The following DNAAF9 variants were observed in gnomAD, a reference collection of about 807,000 sequenced individuals.
The protein encoded by DNAAF9 is dynein axonemal assembly factor 9.
In DNAAF9, 90 loss-of-function variants were observed where a neutral mutation model predicts 167.0. The observed-to-expected ratio is 0.54, with a 90% CI of 0.45 to 0.64. The LOEUF is 0.64. Ranked by LOEUF, DNAAF9 falls within the 30% of genes least tolerant of loss-of-function variation. DNAAF9 has a pLI of 0.00. For synonymous variants in DNAAF9, 491 were observed against 508.8 expected (o/e 0.96, Z 0.47); for missense variants, 1,315 against 1,442.2 (o/e 0.91, Z 1.43).
At chr20:3,293,307 A>AAAAAAG (rs1555788368) in intron 25 of DNAAF9, among the ~76,000 whole-genome samples, 33 of 149,028 alleles carry the variant, frequency 2.2e-4, no homozygotes, top group African/African-American at 7.6e-4. Flanking sequence ...AAAAAAAAAA[A>AAAAAAG]AAAAAAAAAA....
intron 8 of DNAAF9, 51 bp from the exon 9 acceptor site, chr20:3,343,782 G>T: frequency 7.3e-7 from 1 of 1,376,320 alleles, no homozygotes; most frequent in Non-Finnish European, 1.0e-6. Context: ...TGGTAAAACA[G>T]TCATAAAACC....
chr20:3,256,815 TG>T (rs2068289267), intron 33 of DNAAF9, among the ~76,000 whole-genome samples: 1 of 151,818 alleles, frequency 6.6e-6, no homozygotes, highest in African/African-American at 2.4e-5. Flanking sequence ...TTGGTAGAAG[TG>T]GGGGGCTCTC....
chr20:3,353,521 G>A (rs534363851), intron 7 of DNAAF9, among the ~76,000 whole-genome samples: 79 of 151,940 alleles, frequency 5.2e-4, no homozygotes, highest in African/African-American at 1.8e-3. Flanking sequence ...CCAGCCTCTA[G>A]GGAAGCTGAG....
chr20:3,381,300 A>G (rs2083649273), intron 3 of DNAAF9, 79 bp downstream of exon 3: 1 of 1,189,564 alleles, frequency 8.4e-7, no homozygotes, highest in Non-Finnish European at 1.2e-6. Context: ...TTTATTCCAT[A>G]AGAAGACCAT....
intron 20 of DNAAF9, among the ~76,000 whole-genome samples, chr20:3,305,494 A>G (rs2122991587): frequency 6.6e-6 from 1 of 152,360 alleles, no homozygotes; most frequent in South Asian, 2.1e-4. Flanking sequence ...GCCAAGAGAT[A>G]AATAAGTGAA....
At chr20:3,374,176 A>C (rs545181098) in intron 5 of DNAAF9, 22 bp from the exon 6 acceptor site, 1 of 1,467,618 alleles carries the variant, frequency 6.8e-7, no homozygotes, top group African/African-American at 1.4e-5. Flanking sequence ...AAATACAACA[A>C]CACATATCAG....
chr20:3,294,213 C>T lies in DNAAF9; in HGVS notation c.2164G>A (p.Val722Met). The T allele has an allele frequency of 6.2e-7, 1 of 1,613,462 alleles. No individual in the cohort carries two copies. The highest frequency in any genetic ancestry group is 1.1e-5 in the South Asian group (1 of 91,070). ...AGCACAGGAAGATGGGTCCGCATCA[C>T]AGGCTCCTGGCTAATGCTGCTGATG... ...FAISSISQEP[V>M]MRTHLPVLLQ... Residue 722 changes from valine (V) to methionine (M), a missense_variant, in exon 25 of 37, where the codon GTG (valine) becomes ATG (methionine). By Grantham distance (21) the Val-to-Met change is conservative (BLOSUM62 1). Around this residue, in one of 2 missense-constraint regions of DNAAF9, gnomAD observed 981 missense variants for 1,012.5 expected, o/e 0.97. Coordinates refer to ENST00000252032, the MANE Select transcript of DNAAF9 (RefSeq NM_001009984.3).
intron 29 of DNAAF9, among the ~76,000 whole-genome samples, chr20:3,275,381 T>A (rs1461813477): frequency 1.3e-5 from 2 of 152,182 alleles, no homozygotes; most frequent in African/African-American, 4.8e-5. Flanking sequence ...AATGTGGCCA[T>A]ATGAACGGTG....
intron 7 of DNAAF9, among the ~76,000 whole-genome samples, chr20:3,353,573 A>G (rs1397411186): frequency 6.6e-6 from 1 of 151,228 alleles, no homozygotes; most frequent in Non-Finnish European, 1.5e-5. Flanking sequence ...GGTTGCAGTG[A>G]GCCGAGATAG....
intron 1 of DNAAF9, among the ~76,000 whole-genome samples, chr20:3,406,658 A>G (rs1277166655): frequency 6.6e-6 from 1 of 152,224 alleles, no homozygotes; most frequent in Non-Finnish European, 1.5e-5. Context: ...AACGCTCCCC[A>G]CGATCACCCC....
At chr20:3,387,574 G>A (rs957494894) in intron 1 of DNAAF9, among the ~76,000 whole-genome samples, 13 of 151,928 alleles carry the variant, frequency 8.6e-5, no homozygotes, top group South Asian at 2.1e-4. Flanking sequence ...TGTGACATTC[G>A]ATTTGGCAAT....
At chr20:3,268,897 C>CTTGTTTTTTTTTTTTTGTTTTTTTTT (rs2068536735) in intron 30 of DNAAF9, among the ~76,000 whole-genome samples, 1 of 85,850 alleles carries the variant, frequency 1.2e-5, no homozygotes, top group Non-Finnish European at 2.1e-5. Context: ...CTCTATGTTA[C>CTTGTTTTTTTTTTTTTGTTTTTTTTT]TTTTTTTTTT....
chr20:3,281,469 C>T (rs1413408036), intron 28 of DNAAF9, among the ~76,000 whole-genome samples, 172 bp downstream of exon 28: 1 of 152,180 alleles, frequency 6.6e-6, no homozygotes, highest in Non-Finnish European at 1.5e-5. Context: ...TCCATAATTC[C>T]TCTCTCTTCT....
chr20:3,376,550 T>A (rs1600887157), intron 3 of DNAAF9, among the ~76,000 whole-genome samples: 1 of 152,228 alleles, frequency 6.6e-6, no homozygotes, highest in African/African-American at 2.4e-5. Flanking sequence ...CAGGAGGTCC[T>A]GAGAACATGT....
chr20:3,306,655 C>T (rs765082478), intron 20 of DNAAF9, among the ~76,000 whole-genome samples: 1 of 152,108 alleles, frequency 6.6e-6, no homozygotes, highest in Non-Finnish European at 1.5e-5. Context: ...CTTCAGTTCT[C>T]TCATGTTTTT....
intron 5 of DNAAF9, among the ~76,000 whole-genome samples, chr20:3,374,786 G>A (rs2083553412): frequency 1.3e-5 from 2 of 152,144 alleles, no homozygotes; most frequent in African/African-American, 4.8e-5. Flanking sequence ...TGTCAATTGT[G>A]CTAAATTCTG....
intron 27 of DNAAF9, 70 bp from the exon 28 acceptor site, chr20:3,281,836 C>T (rs1406871589): frequency 6.7e-6 from 10 of 1,498,098 alleles, no homozygotes; most frequent in Admixed American, 4.0e-5. Context: ...AGGGGAATCC[C>T]GAATGGCTGA....
At position 3,328,187 on chromosome 20, in the gene DNAAF9, T is replaced by TTTTTTTTTTTTTGTTTTG. The variant is rs1555792490; in HGVS notation, c.1101-1904_1101-1903insCAAAACAAAAAAAAAAAA. 1.1e-3 allele frequency among the ~76,000 whole-genome samples: 163 copies of TTTTTTTTTTTTTGTTTTG among 148,336 alleles called. 2 individuals carry two copies. The highest frequency in any genetic ancestry group is 4.1e-3 in the African/African-American group (161 of 39,564). On this transcript the variant is annotated intron_variant, in intron 12 of 36. Transcript: ENST00000252032. ...TTAAAAAGCCTGCATGGCTCTGTTT[T>TTTTTTTTTTTTTGTTTTG]TTTTTTTTTTTTGAGATGGAGTCTT...
chr20:3,339,096 T>A (rs1158176189), intron 10 of DNAAF9, among the ~76,000 whole-genome samples: 1 of 152,208 alleles, frequency 6.6e-6, no homozygotes, highest in Non-Finnish European at 1.5e-5. Context: ...AAAGGTATGC[T>A]TTGCTTCTAT....
Sources: gnomAD v4.1 joint callset for allele counts (sites outside exome capture counted in the v4.1 genomes callset) on GRCh38, gnomAD v4.1.1 for gene constraint, gnomAD v4.1.1 regional missense constraint, MANE v1.5 for transcripts, NCBI Gene and HGNC (gene_info 2026-07-23, HGNC 2026-07-21) for gene names.